The following DOCK1 variants were observed in gnomAD, a reference collection of about 807,000 sequenced individuals.
DOCK1 encodes the protein dedicator of cytokinesis protein 1.
Under a neutral mutation model 262.7 loss-of-function variants are expected in DOCK1, and 138 were observed. The observed-to-expected ratio is 0.53, with a 90% CI of 0.46 to 0.61. The LOEUF is 0.61. Ranked by LOEUF, DOCK1 falls within the 20% of genes least tolerant of loss-of-function variation. The pLI is 0.00. For synonymous variants in DOCK1, 866 were observed against 867.4 expected (o/e 1.00, Z 0.03); for missense variants, 1,908 against 2,370.7 (o/e 0.80, Z 4.05).
chr10:127,419,482 G>A (rs932142132), intron 45 of DOCK1, among the ~76,000 whole-genome samples, 184 bp from the exon 46 acceptor site: 3 of 152,242 alleles, frequency 2.0e-5, no homozygotes, highest in African/African-American at 7.2e-5. Flanking sequence ...TCCACTTACA[G>A]TGTTTGACCT....
intron 29 of DOCK1, among the ~76,000 whole-genome samples, chr10:127,304,915 A>G (rs1322321982): frequency 6.6e-6 from 1 of 152,108 alleles, no homozygotes; most frequent in Non-Finnish European, 1.5e-5. Flanking sequence ...AAAAAAACTC[A>G]CATAAGTGTA....
intron 43 of DOCK1, among the ~76,000 whole-genome samples, chr10:127,412,021 G>C (rs1252110055): frequency 6.6e-6 from 1 of 151,762 alleles, no homozygotes; most frequent in Non-Finnish European, 1.5e-5. Context: ...GGAATGCAGT[G>C]CCATGATCTC....
chr10:126,914,053 A>G (rs2032185182), intron 1 of DOCK1, among the ~76,000 whole-genome samples: 1 of 152,208 alleles, frequency 6.6e-6, no homozygotes, highest in African/African-American at 2.4e-5. Context: ...CTTTGTAAGT[A>G]GAAGGCTGTG....
Position 127,452,328 on chromosome 10 carries a change from AT to A in DOCK1, c.*911del, listed in dbSNP as rs1554971634. The A allele has an allele frequency of 0.044, 6,487 of 147,598 alleles. 213 individuals are homozygous for A. Among genetic ancestry groups the A allele is most frequent in the African/African-American group, 0.093 (3,771 of 40,338 alleles). The allele number at this position is 147,598 out of a possible 1,614,324, so 9.1% of individuals were successfully genotyped here. A position where few individuals can be genotyped will look rare whatever the true frequency, so the allele number is the denominator to read the frequency against. The stretch of plus-strand genomic sequence containing the variant: ...AAAACACACACACACACACACACAC[AT>A]TTTTTTTTTGAGAACTCCAAAGTCC... On this transcript the variant is annotated 3_prime_UTR_variant, in exon 52 of 52. Transcript: ENST00000623213.
At chr10:127,321,384 C>T (rs1343702906) in intron 29 of DOCK1, among the ~76,000 whole-genome samples, 6 of 146,340 alleles carry the variant, frequency 4.1e-5, no homozygotes, top group East Asian at 4.1e-4. Context: ...TTCTTCTGCC[C>T]GGAAGAAATA....
intron 3 of DOCK1, among the ~76,000 whole-genome samples, chr10:126,981,498 G>A (rs769235153): frequency 3.3e-5 from 5 of 152,216 alleles, no homozygotes; most frequent in Non-Finnish European, 7.3e-5. Flanking sequence ...GTCTCTGTGG[G>A]TCTGGGTACG....
chr10:127,034,682 C>T (rs1177095977), intron 18 of DOCK1, among the ~76,000 whole-genome samples: 1 of 152,140 alleles, frequency 6.6e-6, no homozygotes, highest in Non-Finnish European at 1.5e-5. Context: ...TCAGTAGGTG[C>T]CATGTGTTGC....
chr10:127,311,905 C>T (rs1590387528), intron 29 of DOCK1, among the ~76,000 whole-genome samples: 1 of 151,892 alleles, frequency 6.6e-6, no homozygotes, highest in African/African-American at 2.4e-5. Context: ...CACTCTGTCA[C>T]CCAGGCTGGA....
intron 29 of DOCK1, among the ~76,000 whole-genome samples, chr10:127,267,501 A>T (rs2060405094): frequency 6.6e-6 from 1 of 152,224 alleles, no homozygotes; most frequent in Non-Finnish European, 1.5e-5. Context: ...TGAAAAATCA[A>T]CCTACTCTCA....
At chr10:127,043,893 G>C (rs1049017196) in intron 21 of DOCK1, among the ~76,000 whole-genome samples, 2 of 152,174 alleles carry the variant, frequency 1.3e-5, no homozygotes, top group Non-Finnish European at 2.9e-5. Flanking sequence ...TTGTAGGCTT[G>C]TGTGGAAATT....
At chr10:127,111,744 G>A (rs1490045014) in intron 25 of DOCK1, among the ~76,000 whole-genome samples, 4 of 152,046 alleles carry the variant, frequency 2.6e-5, no homozygotes, top group Non-Finnish European at 4.4e-5. Flanking sequence ...TCAATGCCAA[G>A]ACACACACAG....
At chr10:126,937,244 A>C (rs1210273992) in intron 1 of DOCK1, among the ~76,000 whole-genome samples, 2 of 152,210 alleles carry the variant, frequency 1.3e-5, no homozygotes, top group African/African-American at 4.8e-5. Flanking sequence ...GCCAACGGAT[A>C]CTTGGGTTGT....
At chr10:126,910,384 G>A (rs754207684) in intron 1 of DOCK1, among the ~76,000 whole-genome samples, 4 of 152,242 alleles carry the variant, frequency 2.6e-5, no homozygotes, top group African/African-American at 9.6e-5. Context: ...AATAGGCCAC[G>A]TGGTGTCCTT....
At chr10:126,984,147 C>A (rs1482005903) in intron 4 of DOCK1, among the ~76,000 whole-genome samples, 1 of 152,078 alleles carries the variant, frequency 6.6e-6, no homozygotes, top group Non-Finnish European at 1.5e-5. Flanking sequence ...GACATGGCCT[C>A]TGTTGCGTTT....
chr10:126,914,096 G>A (rs2032190989), intron 1 of DOCK1, among the ~76,000 whole-genome samples: 1 of 152,212 alleles, frequency 6.6e-6, no homozygotes, highest in Non-Finnish European at 1.5e-5. Context: ...CTTAATTCAG[G>A]CTCTCCCCAG....
intron 42 of DOCK1, among the ~76,000 whole-genome samples, chr10:127,409,664 C>T (rs2067728749): frequency 6.6e-6 from 1 of 152,126 alleles, no homozygotes; most frequent in Non-Finnish European, 1.5e-5. Context: ...CAGTGGAGGC[C>T]GTCTGGTCTC....
chr10:126,997,023 A>G, intron 7 of DOCK1, 140 bp downstream of exon 7: 2 of 933,236 alleles, frequency 2.1e-6, no homozygotes, highest in Middle Eastern at 3.5e-4. Context: ...TCCTACAGTC[A>G]TGAGTGGAAT....
rs543002923 is a variant in DOCK1, at chr10:127,324,974, G to A, written c.3045-14032G>A. On this transcript the variant is annotated intron_variant, in intron 29 of 51. Coordinates refer to ENST00000623213, the MANE Select transcript of DOCK1 (RefSeq NM_001290223.2). ...TTGCCACTAGAACACAGGGTCCAGC[G>A]TTGGGCACTGTCCTTCAACACTGGG... 1.9e-4 allele frequency among the ~76,000 whole-genome samples: 29 copies of A among 152,228 alleles called. No individual in the cohort carries two copies. In the East Asian group the frequency reaches 4.3e-3, roughly 22 times the overall value.
At chr10:127,409,455 T>TA in intron 42 of DOCK1, 64 bp downstream of exon 42, 1 of 1,521,436 alleles carries the variant, frequency 6.6e-7, no homozygotes, top group Non-Finnish European at 9.1e-7. Flanking sequence ...GATCTCTTGC[T>TA]AATAATTCCA....
Sources: gnomAD v4.1 joint callset for allele counts (sites outside exome capture counted in the v4.1 genomes callset) on GRCh38, gnomAD v4.1.1 for gene constraint, MANE v1.5 for transcripts, NCBI Gene and HGNC (gene_info 2026-07-23, HGNC 2026-07-21) for gene names.